ARHGAP23: variants seen among roughly 807,000 people sequenced by gnomAD.
ARHGAP23 encodes the protein rho GTPase-activating protein 23.
In ARHGAP23, 34 loss-of-function variants were observed where a neutral mutation model predicts 136.3. The observed-to-expected ratio is 0.25, with a 90% CI of 0.19 to 0.33. ARHGAP23 has a LOEUF of 0.33. Ranked by LOEUF, ARHGAP23 falls within the 10% of genes least tolerant of loss-of-function variation. The probability of loss-of-function intolerance (pLI) is 1.00; values close to 1 mark genes in which losing one functional copy is unlikely to be tolerated. For synonymous variants in ARHGAP23, 832 were observed against 920.5 expected (o/e 0.90, Z 1.74); for missense variants, 1,808 against 2,139.0 (o/e 0.85, Z 3.05).
intron 23 of ARHGAP23, among the ~76,000 whole-genome samples, chr17:38,502,066 T>C (rs1057288937): frequency 6.6e-6 from 1 of 152,172 alleles, no homozygotes; most frequent in Non-Finnish European, 1.5e-5. Flanking sequence ...CCTAGCACTT[T>C]GGGAGGCTGA....
chr17:38,481,780 C>T (rs1014032960), intron 14 of ARHGAP23, among the ~76,000 whole-genome samples: 1 of 152,184 alleles, frequency 6.6e-6, no homozygotes, highest in Non-Finnish European at 1.5e-5. Flanking sequence ...CTATGGCTTC[C>T]GCCTTGTAGT....
chr17:38,463,809 C>T (rs1200578382), intron 6 of ARHGAP23, among the ~76,000 whole-genome samples: 1 of 152,146 alleles, frequency 6.6e-6, no homozygotes, highest in Non-Finnish European at 1.5e-5. Flanking sequence ...GTGCACCACA[C>T]AGTACCCGAG....
intron 1 of ARHGAP23, among the ~76,000 whole-genome samples, chr17:38,455,208 G>C (rs968865489): frequency 1.3e-5 from 2 of 152,214 alleles, no homozygotes; most frequent in African/African-American, 4.8e-5. Context: ...TAGCATGAAG[G>C]ATTGAGGTTA....
At chr17:38,444,887 G>A (rs1340811996) in intron 1 of ARHGAP23, among the ~76,000 whole-genome samples, 1 of 151,444 alleles carries the variant, frequency 6.6e-6, no homozygotes, top group Non-Finnish European at 1.5e-5. Context: ...GCGTGATCTC[G>A]GCTCACTGCA....
At chr17:38,473,291 G>T (rs1424611380) in intron 11 of ARHGAP23, among the ~76,000 whole-genome samples, 1 of 151,916 alleles carries the variant, frequency 6.6e-6, no homozygotes, top group Non-Finnish European at 1.5e-5. Flanking sequence ...CTGCCTTCTG[G>T]GGTCTTGGGG....
At chr17:38,502,179 G>A (rs1287396458) in intron 23 of ARHGAP23, among the ~76,000 whole-genome samples, 3 of 152,270 alleles carry the variant, frequency 2.0e-5, no homozygotes, top group South Asian at 2.1e-4. Flanking sequence ...GGTGGCATGC[G>A]CCTGTAATCC....
intron 23 of ARHGAP23, among the ~76,000 whole-genome samples, chr17:38,503,641 G>A (rs2040567723): frequency 1.3e-5 from 2 of 152,196 alleles, no homozygotes; most frequent in South Asian, 4.1e-4. Flanking sequence ...ACAGGCCACT[G>A]CCTCCCGGAA....
At chr17:38,426,550 C>CAAAAAAAAAAAA (rs751365956), upstream of ARHGAP23, among the ~76,000 whole-genome samples, 18 of 51,216 alleles carry the variant, frequency 3.5e-4, no homozygotes, top group African/African-American at 5.2e-4. Flanking sequence ...AACTCCATCT[C>CAAAAAAAAAAAA]AAAAAAAAAA....
chr17:38,509,152 C>T (rs1396906139), intron 23 of ARHGAP23, among the ~76,000 whole-genome samples: 3 of 152,094 alleles, frequency 2.0e-5, no homozygotes, highest in East Asian at 3.9e-4. Flanking sequence ...ATGGGCCCTC[C>T]TGGGAAAGTG....
chr17:38,485,700 C>A (rs1395364819), intron 16 of ARHGAP23, among the ~76,000 whole-genome samples: 1 of 152,116 alleles, frequency 6.6e-6, no homozygotes, highest in African/African-American at 2.4e-5. Context: ...TGCAGAGGAC[C>A]TGAGACAGGA....
At chr17:38,470,774 T>G (rs948090500) in intron 10 of ARHGAP23, among the ~76,000 whole-genome samples, 8 of 151,974 alleles carry the variant, frequency 5.3e-5, no homozygotes, top group African/African-American at 1.9e-4. Context: ...TGACGTCAGG[T>G]GATCCACCCA....
At chr17:38,487,256 C>A (rs1247525185) in intron 17 of ARHGAP23, among the ~76,000 whole-genome samples, 7 of 152,182 alleles carry the variant, frequency 4.6e-5, no homozygotes, top group Admixed American at 4.6e-4. Context: ...TTTAAATCAG[C>A]CACATAGAAT....
At chr17:38,479,614 A>C in intron 13 of ARHGAP23, 117 bp downstream of exon 13, 1 of 1,396,476 alleles carries the variant, frequency 7.2e-7, no homozygotes, top group Non-Finnish European at 9.8e-7. Flanking sequence ...AGGGGTATCC[A>C]GGGTCTCCAG....
chr17:38,438,711 T>C (rs550597132), intron 1 of ARHGAP23, among the ~76,000 whole-genome samples: 3 of 152,014 alleles, frequency 2.0e-5, no homozygotes, highest in Non-Finnish European at 2.9e-5. Flanking sequence ...TGGCTGGGCG[T>C]GGTGGCTCAC....
chr17:38,482,094 G>A lies in ARHGAP23; in HGVS notation c.2702G>A (p.Arg901Lys). 1 of 1,550,250 alleles carries A rather than the reference G, an allele frequency of 6.5e-7. No individual in the cohort carries two copies. The highest frequency in any genetic ancestry group is 1.4e-5 in the African/African-American group (1 of 73,104). ...AAGAAAAATAAGAAGGCCGCTCCGA[G>A]GGCGTTTGGGGTCAGGCTGGAGGAG... ...IIKKNKKAAP[R>K]AFGVRLEECQ... The change falls in exon 15 of 24, where the codon AGG (arginine) becomes AAG (lysine). Residue 901 changes from arginine to lysine, a missense_variant. By Grantham distance (26) the Arg-to-Lys change is conservative (BLOSUM62 2). Transcript: ENST00000622683.
In ARHGAP23 at chr17:38,510,138, G is replaced by C; in HGVS notation, c.3642G>C (p.Gln1214His). 1 of 1,269,594 alleles carries C rather than the reference G, an allele frequency of 7.9e-7. No individual in the cohort carries two copies. The highest frequency in any genetic ancestry group is 9.9e-7 in the Non-Finnish European group (1 of 1,014,610). The allele number at this position is 1,269,594 out of a possible 1,614,324, so 78.6% of individuals were successfully genotyped here. A position where few individuals can be genotyped will look rare whatever the true frequency, so the allele number is the denominator to read the frequency against. Residue 1214 changes from glutamine to histidine, a missense_variant, in exon 24 of 24, where the codon CAG (glutamine) becomes CAC (histidine). Physicochemically the swap from Gln to His is conservative, Grantham distance 24. This residue lies in a region of ARHGAP23 where 506 missense variants were observed against 455.8 expected (regional missense o/e 1.11). Transcript: ENST00000622683. The surrounding 1 kb of genome is among the most constrained non-coding windows in gnomAD (Gnocchi z 4.6). Reference protein sequence around the residue: ...ATAPGTQERPQGPLPGAVAPE... With the variant: ...ATAPGTQERPHGPLPGAVAPE... ...CGCCGGGGACTCAGGAGCGGCCGCA[G>C]GGGCCGCTGCCTGGCGCCGTCGCCC...
intron 1 of ARHGAP23, among the ~76,000 whole-genome samples, chr17:38,433,636 A>T (rs2038730994): frequency 6.6e-6 from 1 of 152,186 alleles, no homozygotes; most frequent in African/African-American, 2.4e-5. Context: ...TTAGAGGAGC[A>T]GGTGAATCCT....
chr17:38,448,958 A>T (rs972113326), intron 1 of ARHGAP23, among the ~76,000 whole-genome samples: 11 of 147,766 alleles, frequency 7.4e-5, no homozygotes, highest in African/African-American at 2.8e-4. Flanking sequence ...AGTTGAGACC[A>T]CAGGCATGCA....
intron 20 of ARHGAP23, 120 bp downstream of exon 20, chr17:38,491,652 A>C: frequency 7.4e-7 from 1 of 1,357,844 alleles, no homozygotes; most frequent in Non-Finnish European, 1.0e-6. Context: ...GCAGCTTTAG[A>C]GCATGCTGCT....
Sources: allele counts gnomAD v4.1 joint callset (sites outside exome capture counted in the v4.1 genomes callset), GRCh38; gene constraint gnomAD v4.1.1; regional missense constraint gnomAD v4.1.1; non-coding constraint Gnocchi (gnomAD v3.1); transcripts MANE v1.5; gene names NCBI Gene and HGNC (gene_info 2026-07-23, HGNC 2026-07-21).